The following BBX variants were observed in gnomAD, a reference collection of about 807,000 sequenced individuals.
BBX encodes the protein HMG box transcription factor BBX.
A neutral mutation model predicts 100.2 loss-of-function variants in BBX; 30 were observed. The ratio of observed to expected loss-of-function variants is 0.30; its 90% confidence interval spans 0.22 to 0.41. BBX has a LOEUF of 0.41. Among genes scored for constraint, BBX ranks in the 10% least tolerant of loss-of-function variants. The pLI is 1.00. For missense variants in BBX, 1,023 were observed against 1,129.8 expected (o/e 0.91, Z 1.35); for synonymous variants, 376 against 388.1 (o/e 0.97, Z 0.37).
chr3:107,584,081 ATATATAT>A (rs2052554281), intron 2 of BBX, among the ~76,000 whole-genome samples: 1 of 24,784 alleles, frequency 4.0e-5, no homozygotes, highest in Admixed American at 7.3e-4. Context: ...TATATATATT[ATATATAT>A]CATATATTAT....
In BBX at chr3:107,682,673, A is replaced by G. The variant is rs553903896; in HGVS notation, c.-9-27779A>G. On this transcript the variant is annotated intron_variant, in intron 3 of 17. Transcript: ENST00000325805. Reference sequence around the variant, plus strand: ...TTAAGATATGATATGTTGAGAGTCTATTTTATTCCCATGTATGTAGTCAAG... The same window carrying G: ...TTAAGATATGATATGTTGAGAGTCTGTTTTATTCCCATGTATGTAGTCAAG... Among the ~76,000 whole-genome samples the G allele has an allele frequency of 7.3e-4, 111 of 152,308 alleles. 5 individuals carry two copies. The highest frequency in any genetic ancestry group is 8.3e-4 in the South Asian group (4 of 4,832).
rs749798393 is a variant in BBX at position 107,774,893 on chromosome 3, A to G, written c.2054+36A>G. ...GTGAGCACAGTCACCTGTACTCCAC[A>G]AGCCTCAAGTGTGGGTGGGATTTTC... On this transcript the variant is annotated intron_variant, in intron 12 of 17. Coordinates refer to ENST00000325805, the MANE Select transcript of BBX (RefSeq NM_001142568.3). 5.0e-6 allele frequency: 8 copies of G among 1,601,694 alleles called. No homozygotes were observed. In the South Asian group the frequency reaches 9.0e-5, roughly 18 times the overall value.
intron 5 of BBX, among the ~76,000 whole-genome samples, chr3:107,724,051 T>G (rs1029558916): frequency 1.3e-5 from 2 of 152,200 alleles, no homozygotes; most frequent in African/African-American, 4.8e-5. Flanking sequence ...TTCCTATTTC[T>G]CCATATCCTA....
chr3:107,798,757 C>A, intron 16 of BBX, 37 bp downstream of exon 16: 1 of 1,562,750 alleles, frequency 6.4e-7, no homozygotes, highest in Non-Finnish European at 8.8e-7. Context: ...GGTGTCCAAT[C>A]TTTTAGCTTC....
chr3:107,621,589 A>G (rs930267016), intron 2 of BBX, among the ~76,000 whole-genome samples: 4 of 152,226 alleles, frequency 2.6e-5, no homozygotes, highest in African/African-American at 9.6e-5. Flanking sequence ...TTTCAAAGAC[A>G]GTTTGTCATC....
intron 5 of BBX, among the ~76,000 whole-genome samples, chr3:107,722,377 A>G (rs1322922066): frequency 1.3e-5 from 2 of 151,992 alleles, no homozygotes; most frequent in South Asian, 2.1e-4. Context: ...TAGTAAAATT[A>G]TATTTTTAAA....
In BBX at chr3:107,614,686, C is replaced by T. The variant is rs1353515323; in HGVS notation, c.-83-31150C>T. ...TCTGATACTTAATACAATGTAAATG[C>T]CATGTAAATCATTGTTATACTGTAT... On this transcript the variant is annotated intron_variant, in intron 2 of 17. Coordinates refer to ENST00000325805, the MANE Select transcript of BBX (RefSeq NM_001142568.3). Among the ~76,000 whole-genome samples the T allele has an allele frequency of 2.0e-5, 3 of 152,086 alleles. No homozygotes were observed. In the East Asian group the frequency reaches 5.8e-4, roughly 29 times the overall value.
At chr3:107,630,079 C>G (rs149316801) in intron 2 of BBX, among the ~76,000 whole-genome samples, 38 of 152,304 alleles carry the variant, frequency 2.5e-4, no homozygotes, top group African/African-American at 8.7e-4. Context: ...GTTGTTATCA[C>G]TTCAGTCCTT....
At chr3:107,711,352 T>C (rs2061710358) in intron 4 of BBX, 1 of 470,918 alleles carries the variant, frequency 2.1e-6, no homozygotes, top group Admixed American at 2.3e-5. Context: ...ATGAGAATGG[T>C]GCCTGGCACA....
intron 9 of BBX, among the ~76,000 whole-genome samples, chr3:107,751,973 C>T (rs2065111837): frequency 6.6e-6 from 1 of 152,154 alleles, no homozygotes; most frequent in Non-Finnish European, 1.5e-5. Flanking sequence ...AGACTAATGA[C>T]CAGATATAAT....
rs1175293709 is a variant in BBX, at chr3:107,766,982, T to TA, written c.907-5645dup. Among the ~76,000 whole-genome samples, 6 of 152,254 alleles carry TA rather than the reference T, an allele frequency of 3.9e-5. No homozygotes were observed. In the East Asian group the frequency reaches 1.2e-3, roughly 29 times the overall value. ...AAACCAAACACTGCATGTTCTCACT[T>TA]ATTAGTGGGAATTGAACAATGAGAA... On this transcript the variant is annotated intron_variant, in intron 10 of 17. Coordinates refer to ENST00000325805, the MANE Select transcript of BBX (RefSeq NM_001142568.3).
At chr3:107,569,288 T>C (rs1271695519) in intron 2 of BBX, among the ~76,000 whole-genome samples, 1 of 152,256 alleles carries the variant, frequency 6.6e-6, no homozygotes, top group South Asian at 2.1e-4. Context: ...AGTTCTCATA[T>C]TGATATCTCA....
At chr3:107,580,632 A>T (rs925853251) in intron 2 of BBX, among the ~76,000 whole-genome samples, 1 of 148,944 alleles carries the variant, frequency 6.7e-6, no homozygotes, top group Non-Finnish European at 1.5e-5. Context: ...TAAGCACTCA[A>T]TTTTTTTTTT....
intron 3 of BBX, among the ~76,000 whole-genome samples, chr3:107,678,428 A>C (rs962456486): frequency 6.6e-6 from 1 of 152,080 alleles, no homozygotes; most frequent in African/African-American, 2.4e-5. Flanking sequence ...AATGGTTAGA[A>C]GTTATTATGG....
intron 2 of BBX, among the ~76,000 whole-genome samples, chr3:107,641,628 C>T (rs1375224973): frequency 6.6e-6 from 1 of 152,128 alleles, no homozygotes; most frequent in Non-Finnish European, 1.5e-5. Flanking sequence ...ACTCTTAAGA[C>T]ATGTTTGCCT....
chr3:107,792,158 A>C (rs770209415), intron 15 of BBX, among the ~76,000 whole-genome samples: 2 of 152,200 alleles, frequency 1.3e-5, no homozygotes, highest in Non-Finnish European at 2.9e-5. Flanking sequence ...GGTGAAGCCT[A>C]ATTTCTTCAA....
intron 2 of BBX, among the ~76,000 whole-genome samples, chr3:107,563,022 C>T (rs1472171226): frequency 6.6e-6 from 1 of 152,150 alleles, no homozygotes; most frequent in African/African-American, 2.4e-5. Flanking sequence ...TCCTTTTGAC[C>T]TGGAAGCCTG....
At chr3:107,609,706 T>G (rs1246311461) in intron 2 of BBX, among the ~76,000 whole-genome samples, 1 of 152,144 alleles carries the variant, frequency 6.6e-6, no homozygotes, top group East Asian at 1.9e-4. Context: ...TTCTTTGAAT[T>G]TCTGCGGTGT....
intron 10 of BBX, among the ~76,000 whole-genome samples, chr3:107,766,094 A>T (rs1032653501): frequency 8.5e-5 from 13 of 152,210 alleles, no homozygotes; most frequent in African/African-American, 3.1e-4. Context: ...CTTTTGACGT[A>T]AGGAAGAGTG....
Sources: allele counts gnomAD v4.1 joint callset (sites outside exome capture counted in the v4.1 genomes callset), GRCh38; gene constraint gnomAD v4.1.1; transcripts MANE v1.5; gene names NCBI Gene and HGNC (gene_info 2026-07-23, HGNC 2026-07-21).